The following ERI3 variants were observed in gnomAD, a reference collection of about 807,000 sequenced individuals.
ERI3 encodes ERI1 exoribonuclease family member 3, also known as ERI1 exoribonuclease 3.
Under a neutral mutation model 44.4 loss-of-function variants are expected in ERI3, and 18 were observed. The ratio of observed to expected loss-of-function variants is 0.41; its 90% confidence interval spans 0.28 to 0.60. ERI3 has a LOEUF of 0.60. ERI3 is among the 20% of genes least tolerant of loss of function. The probability of loss-of-function intolerance (pLI) is 0.36; values close to 1 mark genes in which losing one functional copy is unlikely to be tolerated. For missense variants in ERI3, 294 were observed against 435.5 expected, an observed-to-expected ratio of 0.68 and a Z score of 2.89; for synonymous variants, 183 against 164.8, an observed-to-expected ratio of 1.11 and a Z score of -0.84.
chr1:44,331,505 T>C (rs1350009209), intron 3 of ERI3, among the ~76,000 whole-genome samples: 1 of 152,156 alleles, frequency 6.6e-6, no homozygotes, highest in Non-Finnish European at 1.5e-5. Flanking sequence ...CACACCCCTT[T>C]TACCCACACT....
intron 2 of ERI3, among the ~76,000 whole-genome samples, chr1:44,344,586 G>C (rs941680742): frequency 1.3e-5 from 2 of 152,136 alleles, no homozygotes; most frequent in Non-Finnish European, 2.9e-5. Context: ...CGGTGTCTTA[G>C]GGATTTCTCT....
intron 6 of ERI3, among the ~76,000 whole-genome samples, chr1:44,293,019 G>A (rs867153418): frequency 2.7e-4 from 41 of 152,260 alleles, no homozygotes; most frequent in African/African-American, 8.4e-4. Context: ...CGCCTCTGTC[G>A]CCACTGCCTG....
chr1:44,337,528 T>G (rs1373703857), intron 3 of ERI3, among the ~76,000 whole-genome samples: 2 of 152,172 alleles, frequency 1.3e-5, no homozygotes, highest in Non-Finnish European at 2.9e-5. Flanking sequence ...AGAACGTAAG[T>G]GTGGCTTGAG....
At chr1:44,350,983 T>C (rs540592190) in intron 2 of ERI3, among the ~76,000 whole-genome samples, 1 of 152,190 alleles carries the variant, frequency 6.6e-6, no homozygotes, top group African/African-American at 2.4e-5. Flanking sequence ...TCCTGCTGCT[T>C]CCAGTATCAT....
At chr1:44,254,065 T>C (rs1310423207) in intron 7 of ERI3, among the ~76,000 whole-genome samples, 1 of 152,232 alleles carries the variant, frequency 6.6e-6, no homozygotes, top group African/African-American at 2.4e-5. Context: ...ACTCTGCAGA[T>C]GTCTTCAAAT....
chr1:44,354,869 C>T, intron 1 of ERI3, 23 bp downstream of exon 1: 1 of 1,314,758 alleles, frequency 7.6e-7, no homozygotes, highest in Non-Finnish European at 9.8e-7. Context: ...CCAATCTTGG[C>T]GGGGCCATTC....
intron 6 of ERI3, among the ~76,000 whole-genome samples, chr1:44,291,216 C>G (rs1645500947): frequency 6.6e-6 from 1 of 152,198 alleles, no homozygotes; most frequent in Admixed American, 6.5e-5. Flanking sequence ...AGAGAGAAGG[C>G]AGACTCATAA....
At chr1:44,270,775 A>G (rs1645073514) in intron 7 of ERI3, among the ~76,000 whole-genome samples, 1 of 152,224 alleles carries the variant, frequency 6.6e-6, no homozygotes, top group Non-Finnish European at 1.5e-5. Flanking sequence ...GGGAACCTTG[A>G]GAGAAAGACA....
intron 3 of ERI3, among the ~76,000 whole-genome samples, chr1:44,336,391 T>G (rs1482453228): frequency 6.6e-6 from 1 of 152,250 alleles, no homozygotes; most frequent in Non-Finnish European, 1.5e-5. Flanking sequence ...GTCCCTTTCC[T>G]GAAGGTGGTC....
chr1:44,231,061 C>A (rs183488658), intron 8 of ERI3, among the ~76,000 whole-genome samples: 2 of 152,234 alleles, frequency 1.3e-5, no homozygotes, highest in Non-Finnish European at 2.9e-5. Flanking sequence ...ACACAGAATT[C>A]ATTTATTTAT....
At chr1:44,352,405 CATAGATAGATAG>C (rs71742610) in intron 2 of ERI3, among the ~76,000 whole-genome samples, 80,716 of 147,340 alleles carry the variant, frequency 0.55, 22,702 homozygotes, top group Middle Eastern at 0.66. Flanking sequence ...AGCAAGGTCT[CATAGATAGATAG>C]ATAGATAGAT....
At chr1:44,342,809 G>GC (rs1478616912) in intron 2 of ERI3, among the ~76,000 whole-genome samples, 101 of 51,086 alleles carry the variant, frequency 2.0e-3, no homozygotes, top group Middle Eastern at 0.023. Context: ...ACCACATCCA[G>GC]CTAATATATA....
At chr1:44,285,045 A>C (rs1645364136) in intron 6 of ERI3, 138 bp from the exon 7 acceptor site, 2 of 675,726 alleles carry the variant, frequency 3.0e-6, no homozygotes, top group African/African-American at 3.6e-5. Flanking sequence ...GTCCCACCCC[A>C]CCAAAGAAAG....
intron 2 of ERI3, among the ~76,000 whole-genome samples, chr1:44,345,752 C>T (rs951389411): frequency 2.6e-5 from 4 of 152,214 alleles, no homozygotes; most frequent in Admixed American, 2.6e-4. Flanking sequence ...AGAGCACTCT[C>T]TGTGTGAAAA....
chr1:44,272,503 T>C (rs1476783581), intron 7 of ERI3, among the ~76,000 whole-genome samples: 1 of 152,182 alleles, frequency 6.6e-6, no homozygotes, highest in Non-Finnish European at 1.5e-5. Context: ...AAATCTCACA[T>C]ACAGCCATAC....
chr1:44,240,705 C>T (rs954984314), intron 8 of ERI3, among the ~76,000 whole-genome samples: 5 of 152,214 alleles, frequency 3.3e-5, no homozygotes, highest in Admixed American at 6.5e-5. Context: ...TAGAATGACA[C>T]TGGTGTGATT....
In ERI3 at chr1:44,228,092, C is replaced by T. The variant is rs1017375140; in HGVS notation, c.932-6452G>A. 5.3e-5 allele frequency among the ~76,000 whole-genome samples: 8 copies of T among 152,004 alleles called. No individual in the cohort carries two copies. The highest frequency in any genetic ancestry group is 1.5e-4 in the African/African-American group (6 of 41,348). On this transcript the variant is annotated intron_variant, in intron 8 of 8. Coordinates refer to ENST00000372257, the MANE Select transcript of ERI3 (RefSeq NM_024066.3). The surrounding 1 kb of genome is among the most constrained non-coding windows in gnomAD (Gnocchi z 4.3). The stretch of plus-strand genomic sequence containing the variant: ...ACACAGTCCCCTGCGCCCCCATTCA[C>T]GGCCACCTTGGCCCACCCGACCCAC...
chr1:44,244,605 CGA>C (rs1557779919), intron 8 of ERI3, among the ~76,000 whole-genome samples: 8 of 152,076 alleles, frequency 5.3e-5, no homozygotes, highest in Middle Eastern at 3.2e-3. Flanking sequence ...TTTCCAGGGC[CGA>C]TGCACTCTTG....
intron 7 of ERI3, among the ~76,000 whole-genome samples, chr1:44,274,267 T>C (rs1021735490): frequency 6.6e-6 from 1 of 152,230 alleles, no homozygotes; most frequent in Non-Finnish European, 1.5e-5. Context: ...TAAATTTCAG[T>C]CCTGCAATAT....
Sources: gnomAD v4.1 joint callset for allele counts (sites outside exome capture counted in the v4.1 genomes callset) on GRCh38, gnomAD v4.1.1 for gene constraint, Gnocchi (gnomAD v3.1) non-coding constraint, MANE v1.5 for transcripts, NCBI Gene and HGNC (gene_info 2026-07-23, HGNC 2026-07-21) for gene names.